PFKFB3: variants seen among roughly 807,000 people sequenced by gnomAD.
PFKFB3 encodes the protein 6-phosphofructo-2-kinase/fructose-2,6-bisphosphatase 3.
PFKFB3 carries 33 observed loss-of-function variants against 68.0 expected under a neutral mutation model. That is an observed-to-expected ratio of 0.49 (90% confidence interval 0.37 to 0.65). The LOEUF (loss-of-function observed/expected upper bound fraction) is 0.65, where lower values mean the gene tolerates loss of function less well. PFKFB3 is among the 30% of genes least tolerant of loss of function. The pLI, the probability that PFKFB3 is intolerant of heterozygous loss-of-function variation, is 0.00. For missense variants in PFKFB3, 586 were observed against 712.2 expected (o/e 0.82, Z 2.02); for synonymous variants, 315 against 288.2 (o/e 1.09, Z -0.94).
the PFKFB3 span, among the ~76,000 whole-genome samples, chr10:6,272,056 G>A: frequency 6.6e-6 from 1 of 152,190 alleles, no homozygotes; most frequent in Non-Finnish European, 1.5e-5. Flanking sequence ...CCCCGATGGT[G>A]GCTGCCATCC....
the PFKFB3 span, among the ~76,000 whole-genome samples, chr10:6,276,395 A>G: frequency 4.3e-3 from 443 of 103,740 alleles, 7 homozygotes; most frequent in African/African-American, 0.015. Context: ...CATGCTTCAG[A>G]AAAAAAAAAA....
intron 1 of PFKFB3, among the ~76,000 whole-genome samples, chr10:6,186,410 AG>A (rs1362271443): frequency 2.6e-5 from 4 of 152,226 alleles, no homozygotes; most frequent in African/African-American, 9.6e-5. Flanking sequence ...TCCCTCCATT[AG>A]CCAATCAAGG....
At chr10:6,177,376 CTT>C (rs1185276272) in intron 1 of PFKFB3, among the ~76,000 whole-genome samples, 2 of 109,088 alleles carry the variant, frequency 1.8e-5, no homozygotes, top group Non-Finnish European at 4.3e-5. Flanking sequence ...TTCTTTCTTT[CTT>C]TCTTTCTTTC....
At chr10:6,206,292 C>T (rs1166452652) in intron 1 of PFKFB3, among the ~76,000 whole-genome samples, 1 of 143,548 alleles carries the variant, frequency 7.0e-6, no homozygotes, top group Non-Finnish European at 1.5e-5. Context: ...CAACAGGATC[C>T]CAAGGCATAA....
chr10:6,204,827 T>C (rs1246143316), intron 1 of PFKFB3, among the ~76,000 whole-genome samples: 1 of 152,266 alleles, frequency 6.6e-6, no homozygotes, highest in East Asian at 1.9e-4. Flanking sequence ...TATAGCACTT[T>C]GTAAACTGCA....
Position 6,222,867 on chromosome 10 carries a change from C to T in PFKFB3, c.1096C>T (p.Leu366=). The change falls in exon 11 of 15, where the codon CTG becomes TTG. Residue 366 remains leucine, a synonymous_variant. Coordinates refer to ENST00000379775, the MANE Select transcript of PFKFB3 (RefSeq NM_004566.4). The part of the protein sequence containing the change: ...RYPTGESYQD[L]VQRLEPVIME... ...CCTCTGTGCTCAGTCCTACCAGGAC[C>T]TGGTCCAGCGCTTGGAGCCAGTGAT... 1 of 1,613,614 alleles carries T rather than the reference C, an allele frequency of 6.2e-7. No homozygotes were observed. Among genetic ancestry groups the T allele is most frequent in the Non-Finnish European group, 8.5e-7 (1 of 1,179,736 alleles).
At chr10:6,162,400 C>A (rs1841997463) in intron 1 of PFKFB3, among the ~76,000 whole-genome samples, 1 of 152,172 alleles carries the variant, frequency 6.6e-6, no homozygotes, top group Admixed American at 6.5e-5. Flanking sequence ...TGTGTATATA[C>A]AAGGAATAAT....
downstream of PFKFB3, among the ~76,000 whole-genome samples, chr10:6,254,808 C>CTTTTTTTTTTTTTTTTTTT (rs144888417): frequency 1.2e-3 from 71 of 61,636 alleles, 11 homozygotes; most frequent in East Asian, 3.4e-3. Flanking sequence ...TTTTTCTGTT[C>CTTTTTTTTTTTTTTTTTTT]TTTTTTTTTT....
chr10:6,182,153 G>A (rs1473562001), intron 1 of PFKFB3, among the ~76,000 whole-genome samples: 1 of 152,106 alleles, frequency 6.6e-6, no homozygotes, highest in Non-Finnish European at 1.5e-5. Flanking sequence ...CAGTCTTGGC[G>A]GATTCTTCCT....
the PFKFB3 span, among the ~76,000 whole-genome samples, chr10:6,310,367 G>A: frequency 6.6e-6 from 1 of 152,266 alleles, no homozygotes; most frequent in South Asian, 2.1e-4. Context: ...CTCAGCCAAG[G>A]TGGGAAATGG....
intron 1 of PFKFB3, among the ~76,000 whole-genome samples, chr10:6,191,775 TC>T (rs1206624508): frequency 6.6e-6 from 1 of 152,178 alleles, no homozygotes; most frequent in African/African-American, 2.4e-5. Flanking sequence ...GCATCTGGTT[TC>T]TGTTCACAGG....
At chr10:6,323,354 C>T in the PFKFB3 span, among the ~76,000 whole-genome samples, 2 of 152,084 alleles carry the variant, frequency 1.3e-5, no homozygotes, top group Admixed American at 6.5e-5. Context: ...GCCGAAGCCT[C>T]GAGAAGGAAG....
At chr10:6,213,855 G>A in intron 2 of PFKFB3, 107 bp downstream of exon 2, 1 of 1,215,162 alleles carries the variant, frequency 8.2e-7, no homozygotes, top group Non-Finnish European at 1.2e-6. Context: ...TCTGTCCCCT[G>A]GTCGGGGAGT....
At chr10:6,277,529 G>A in the PFKFB3 span, among the ~76,000 whole-genome samples, 1 of 152,014 alleles carries the variant, frequency 6.6e-6, no homozygotes, top group African/African-American at 2.4e-5. Context: ...CCGTGGGGGT[G>A]GTTTCTAATG....
At chr10:6,282,677 C>T in the PFKFB3 span, among the ~76,000 whole-genome samples, 8 of 151,984 alleles carry the variant, frequency 5.3e-5, no homozygotes, top group Non-Finnish European at 1.2e-4. Flanking sequence ...CAAGAAGGTG[C>T]GAATAAGGGG....
Position 6,203,034 on chromosome 10 carries a change from GC to G in PFKFB3, c.-225del. ...CTTTCCGAGCGGACGAGCCGGCCGT[GC>G]CGGGCATCCCCAGCCTCGCTACCCT... On this transcript the variant is annotated 5_prime_UTR_variant, in exon 1 of 15. Coordinates refer to ENST00000379775, the MANE Select transcript of PFKFB3 (RefSeq NM_004566.4). The G allele has an allele frequency of 1.5e-6, 2 of 1,375,034 alleles. No homozygotes were observed. Among genetic ancestry groups the G allele is most frequent in the Non-Finnish European group, 1.9e-6 (2 of 1,069,052 alleles). 85.2% of individuals were successfully genotyped at this position (1,375,034 alleles called of 1,614,324 possible).
chr10:6,293,530 G>A, the PFKFB3 span: 8 of 192,948 alleles, frequency 4.1e-5, no homozygotes, highest in Non-Finnish European at 7.4e-5. Context: ...AGTTTTAGTA[G>A]AGATGGGGTT....
chr10:6,258,455 A>C (rs928977309), downstream of PFKFB3, among the ~76,000 whole-genome samples: 12 of 152,258 alleles, frequency 7.9e-5, no homozygotes, highest in Admixed American at 7.8e-4. Context: ...CCTGAGGACC[A>C]GACAGGCCAC....
the PFKFB3 span, among the ~76,000 whole-genome samples, chr10:6,277,227 TTTTTC>T: frequency 8.6e-5 from 13 of 151,788 alleles, no homozygotes; most frequent in East Asian, 1.9e-3. Context: ...TTCTTTTTTC[TTTTTC>T]TTTTCTTTTC....
Sources: allele counts gnomAD v4.1 joint callset (sites outside exome capture counted in the v4.1 genomes callset), GRCh38; gene constraint gnomAD v4.1.1; transcripts MANE v1.5; gene names NCBI Gene and HGNC (gene_info 2026-07-23, HGNC 2026-07-21).